CEP57L1: variants seen among roughly 807,000 people sequenced by gnomAD.
CEP57L1 encodes the protein centrosomal protein 57 like 1, also known as centrosomal protein CEP57L1.
In CEP57L1, 37 loss-of-function variants were observed where a neutral mutation model predicts 61.0. The observed-to-expected ratio is 0.61, with a 90% CI of 0.47 to 0.80. CEP57L1 has a LOEUF of 0.80. Ranked by LOEUF, CEP57L1 falls within the 30% of genes least tolerant of loss-of-function variation. The pLI, the probability that CEP57L1 is intolerant of heterozygous loss-of-function variation, is 0.00. For synonymous variants in CEP57L1, 137 were observed against 162.3 expected, an observed-to-expected ratio of 0.84 and a Z score of 1.19; for missense variants, 422 against 524.7, an observed-to-expected ratio of 0.80 and a Z score of 1.91.
intron 1 of CEP57L1, among the ~76,000 whole-genome samples, chr6:109,115,185 G>A (rs1361552441): frequency 6.6e-6 from 1 of 151,694 alleles, no homozygotes; most frequent in Non-Finnish European, 1.5e-5. Flanking sequence ...AGAAGTTAGG[G>A]GTAGTAGTGG....
intron 1 of CEP57L1, among the ~76,000 whole-genome samples, chr6:109,097,624 C>T (rs1781863570): frequency 6.6e-6 from 1 of 152,164 alleles, no homozygotes; most frequent in African/African-American, 2.4e-5. Flanking sequence ...AAAATTCCTA[C>T]TGTCATAGAG....
rs548396594 is a variant in CEP57L1, at chr6:109,161,188, C to T, written c.1161+472C>T. 2.0e-4 allele frequency among the ~76,000 whole-genome samples: 30 copies of T among 152,124 alleles called. 1 individual carries two copies. The highest frequency in any genetic ancestry group is 3.2e-4 in the Non-Finnish European group (22 of 68,026). ...AAAACAAGCTGTTTTATGTTCCATT[C>T]CCTGGGGTCCTATACTCAGCTAGCT... is the stretch of plus-strand genomic sequence containing the variant. On this transcript the variant is annotated intron_variant, in intron 10 of 10. Coordinates refer to ENST00000517392, the MANE Select transcript of CEP57L1 (RefSeq NM_001271852.3).
chr6:109,137,585 C>T (rs926550361), intron 1 of CEP57L1, among the ~76,000 whole-genome samples: 1 of 152,190 alleles, frequency 6.6e-6, no homozygotes, highest in African/African-American at 2.4e-5. Context: ...CAGGTGTGAG[C>T]CACCGCTCCC....
At chr6:109,135,439 T>A (rs1218374167) in intron 1 of CEP57L1, among the ~76,000 whole-genome samples, 3 of 152,174 alleles carry the variant, frequency 2.0e-5, no homozygotes, top group Non-Finnish European at 4.4e-5. Context: ...ACTTAAATGT[T>A]AGACCTAAAA....
intron 1 of CEP57L1, among the ~76,000 whole-genome samples, chr6:109,132,737 G>C (rs1042739479): frequency 5.9e-5 from 9 of 152,094 alleles, no homozygotes; most frequent in African/African-American, 1.9e-4. Flanking sequence ...ACTTACTTAT[G>C]TTCTCATAGT....
intron 3 of CEP57L1, among the ~76,000 whole-genome samples, chr6:109,148,098 T>G (rs1039138565): frequency 6.6e-6 from 1 of 152,104 alleles, no homozygotes; most frequent in Non-Finnish European, 1.5e-5. Flanking sequence ...CTGGTTATTA[T>G]TTTGTCTTTT....
At chr6:109,127,194 C>T (rs1449275112) in intron 1 of CEP57L1, among the ~76,000 whole-genome samples, 1 of 152,004 alleles carries the variant, frequency 6.6e-6, no homozygotes, top group Non-Finnish European at 1.5e-5. Context: ...AAACCAAAAA[C>T]TGGCTGTTCT....
chr6:109,129,259 T>C (rs1428146703), intron 1 of CEP57L1: 3 of 685,176 alleles, frequency 4.4e-6, no homozygotes, highest in Admixed American at 8.2e-5. Context: ...ATTCATTTTA[T>C]CGCCTTTAGT....
intron 1 of CEP57L1, among the ~76,000 whole-genome samples, chr6:109,116,563 A>G (rs1004020704): frequency 3.3e-5 from 5 of 152,172 alleles, no homozygotes; most frequent in Admixed American, 2.0e-4. Flanking sequence ...TACAGTTTCA[A>G]TCTTTTTCTA....
intron 1 of CEP57L1, among the ~76,000 whole-genome samples, chr6:109,113,572 T>A (rs893555958): frequency 3.3e-5 from 5 of 152,184 alleles, no homozygotes; most frequent in Non-Finnish European, 7.4e-5. Flanking sequence ...TTGTAAAGAC[T>A]TCTTCATTAA....
At chr6:109,151,816 A>G (rs71558343) in intron 4 of CEP57L1, among the ~76,000 whole-genome samples, 2 of 152,166 alleles carry the variant, frequency 1.3e-5, no homozygotes, top group Non-Finnish European at 2.9e-5. Flanking sequence ...AGCACATTGA[A>G]GATTTTGTTC....
At chr6:109,154,334 C>G (rs1319825935) in intron 5 of CEP57L1, among the ~76,000 whole-genome samples, 2 of 152,112 alleles carry the variant, frequency 1.3e-5, no homozygotes, top group Non-Finnish European at 2.9e-5. Flanking sequence ...CGTACTTCCC[C>G]TAGGAAGTCC....
intron 1 of CEP57L1, among the ~76,000 whole-genome samples, chr6:109,108,241 CTTT>C (rs1056595278): frequency 5.8e-5 from 8 of 137,968 alleles, no homozygotes; most frequent in Non-Finnish European, 7.9e-5. Flanking sequence ...ACATTTTTCT[CTTT>C]TTTTTTTTTT....
intron 1 of CEP57L1, among the ~76,000 whole-genome samples, chr6:109,117,912 C>CT (rs1179245287): frequency 1.3e-5 from 2 of 152,116 alleles, no homozygotes; most frequent in Non-Finnish European, 2.9e-5. Context: ...GCCCTCAGCA[C>CT]TTTCAGCATT....
intron 1 of CEP57L1, among the ~76,000 whole-genome samples, chr6:109,145,014 T>C (rs1253528783): frequency 6.6e-6 from 1 of 152,020 alleles, no homozygotes; most frequent in Non-Finnish European, 1.5e-5. Context: ...TCAGGCAGAA[T>C]TGTCAGTACT....
chr6:109,154,001 A>G (rs368804316), intron 5 of CEP57L1, 52 bp downstream of exon 5: 1 of 934,282 alleles, frequency 1.1e-6, no homozygotes, highest in Non-Finnish European at 1.7e-6. Context: ...AGTGTTAAGC[A>G]TAATTGGTAT....
chr6:109,100,903 T>C lies in CEP57L1; in HGVS notation c.-4+5328T>C, dbSNP rs142271180. Among the ~76,000 whole-genome samples the C allele has an allele frequency of 3.4e-3, 517 of 152,158 alleles. 1 individual carries two copies. Among genetic ancestry groups the C allele is most frequent in the African/African-American group, 0.01 (417 of 41,518 alleles). On this transcript the variant is annotated intron_variant, in intron 1 of 10. Coordinates refer to ENST00000517392, the MANE Select transcript of CEP57L1 (RefSeq NM_001271852.3). Reference sequence around the variant, plus strand: ...AGGTGGATCACCTGAGGTCAGAAGTTCGAGACCATCCTGGCCAACATGGTG... The same window carrying C: ...AGGTGGATCACCTGAGGTCAGAAGTCCGAGACCATCCTGGCCAACATGGTG...
chr6:109,162,847 A>G lies in CEP57L1; in HGVS notation c.1260A>G (p.Lys420=). 1 of 1,613,418 alleles carries G rather than the reference A, an allele frequency of 6.2e-7. No homozygotes were observed. Among genetic ancestry groups the G allele is most frequent in the East Asian group, 2.2e-5 (1 of 44,778 alleles). ...DSYPKGSKNI[K]NSPRKCLTDT... is the part of the protein sequence containing the mutation. ...ACCCTAAAGGATCAAAGAACATAAA[A>G]AATAGCCCCAGAAAATGTTTGACTG... Residue 420 remains lysine, a synonymous_variant, in exon 11 of 11, where the codon AAA becomes AAG. Coordinates refer to ENST00000517392, the MANE Select transcript of CEP57L1 (RefSeq NM_001271852.3).
chr6:109,165,969 T>G lies in CEP57L1; in HGVS notation c.*2999T>G, dbSNP rs1774075478. On this transcript the variant is annotated 3_prime_UTR_variant, in exon 11 of 11. Transcript: ENST00000517392. ...TAATTAGAAATTGAAATAATGGAAT[T>G]GGAATTTTCTAGCCAAGGCAGGTCT... is the stretch of plus-strand genomic sequence containing the variant. The G allele has an allele frequency of 6.6e-6, 1 of 152,246 alleles. No homozygotes were observed. Among genetic ancestry groups the G allele is most frequent in the Non-Finnish European group, 1.5e-5 (1 of 68,052 alleles). The allele number at this position is 152,246 out of a possible 1,614,324, so 9.4% of individuals were successfully genotyped here. A position where few individuals can be genotyped will look rare whatever the true frequency, so the allele number is the denominator to read the frequency against.
Sources: gnomAD v4.1 joint callset for allele counts (sites outside exome capture counted in the v4.1 genomes callset) on GRCh38, gnomAD v4.1.1 for gene constraint, MANE v1.5 for transcripts, NCBI Gene and HGNC (gene_info 2026-07-23, HGNC 2026-07-21) for gene names.